WASF3: variants seen among roughly 807,000 people sequenced by gnomAD.
WASF3 encodes WASP family member 3.
In WASF3, 11 loss-of-function variants were observed where a neutral mutation model predicts 46.6. The ratio of observed to expected loss-of-function variants is 0.24; its 90% CI spans 0.15 to 0.39. WASF3 has a LOEUF of 0.39. WASF3 is among the 10% of genes least tolerant of loss of function. WASF3 has a pLI of 1.00. For synonymous variants in WASF3, 242 were observed against 259.7 expected (o/e 0.93, Z 0.65); for missense variants, 576 against 669.8 (o/e 0.86, Z 1.55).
intron 1 of WASF3, among the ~76,000 whole-genome samples, chr13:26,559,808 CTTTTTT>C (rs770616922): frequency 6.3e-4 from 46 of 73,424 alleles, no homozygotes; most frequent in South Asian, 2.2e-3. Flanking sequence ...TTCTTTCTTT[CTTTTTT>C]TTTTTTTTTT....
Position 26,570,139 on chromosome 13 carries a change from T to A in WASF3, c.-109+12320T>A, listed in dbSNP as rs564469091. 4.3e-4 allele frequency among the ~76,000 whole-genome samples: 65 copies of A among 152,144 alleles called. No individual in the cohort carries two copies. In the East Asian group the frequency reaches 0.012, roughly 28 times the overall value. On this transcript the variant is annotated intron_variant, in intron 1 of 9. Transcript: ENST00000335327. ...CATCTCTACTAAAATTACAAAAAAATTAGCCGGGTGTCGTGGCAGGCGCCT... is the reference window on the plus strand; with the variant it reads ...CATCTCTACTAAAATTACAAAAAAAATAGCCGGGTGTCGTGGCAGGCGCCT...
intron 3 of WASF3, among the ~76,000 whole-genome samples, chr13:26,648,041 G>A (rs1044754228): frequency 6.6e-6 from 1 of 152,058 alleles, no homozygotes; most frequent in African/African-American, 2.4e-5. Flanking sequence ...TTTTACTAAT[G>A]TTGGACATAT....
intron 1 of WASF3, among the ~76,000 whole-genome samples, chr13:26,596,918 T>C (rs1044297663): frequency 6.6e-6 from 1 of 152,192 alleles, no homozygotes; most frequent in Non-Finnish European, 1.5e-5. Context: ...GTAATTTCCA[T>C]TTCTGGCTTT....
At chr13:26,575,175 T>C (rs886934907) in intron 1 of WASF3, among the ~76,000 whole-genome samples, 4 of 152,066 alleles carry the variant, frequency 2.6e-5, no homozygotes, top group South Asian at 2.1e-4. Context: ...TACTGTCTTG[T>C]ATGCTACTTT....
At chr13:26,557,411 C>A (rs1259922079), upstream of WASF3, among the ~76,000 whole-genome samples, 1 of 152,142 alleles carries the variant, frequency 6.6e-6, no homozygotes, top group South Asian at 2.1e-4. Context: ...TCTCTTGGCC[C>A]GAAGTATCCC....
Position 26,642,374 on chromosome 13 carries a change from C to A in WASF3, c.104C>A (p.Ala35Asp), listed in dbSNP as rs1258752181. Residue 35 changes from alanine to aspartate, a missense_variant, in exon 3 of 10, where the codon GCC becomes GAC. Transcript: ENST00000335327. Reference sequence around the variant, plus strand: ...GAATGTGTAACCAATAGTACTCTTGCCGCTATCATACGCCAGCTGAGCAGT... The same window carrying A: ...GAATGTGTAACCAATAGTACTCTTGACGCTATCATACGCCAGCTGAGCAGT... ...ELECVTNSTL[A>D]AIIRQLSSLS... The A allele has an allele frequency of 6.2e-7, 1 of 1,608,280 alleles. No individual in the cohort carries two copies. Among genetic ancestry groups the A allele is most frequent in the Non-Finnish European group, 8.5e-7 (1 of 1,177,736 alleles).
intron 1 of WASF3, among the ~76,000 whole-genome samples, chr13:26,605,234 TCTTTA>T (rs1230259993): frequency 9.8e-5 from 15 of 152,378 alleles, no homozygotes; most frequent in African/African-American, 3.6e-4. Context: ...CTGAATAGCT[TCTTTA>T]CTTGGTTCTA....
At chr13:26,662,138 C>A (rs1882649414) in intron 3 of WASF3, among the ~76,000 whole-genome samples, 1 of 152,018 alleles carries the variant, frequency 6.6e-6, no homozygotes, top group Admixed American at 6.6e-5. Context: ...ATTAAAAAGT[C>A]AAAAAATAAC....
chr13:26,626,809 G>A (rs576190037), intron 2 of WASF3, among the ~76,000 whole-genome samples: 32 of 152,100 alleles, frequency 2.1e-4, no homozygotes, highest in Admixed American at 3.3e-4. Context: ...TCCCCAAGAA[G>A]ACTTAATAAT....
intron 1 of WASF3, among the ~76,000 whole-genome samples, chr13:26,599,201 T>TTTTG (rs1593140081): frequency 1.3e-5 from 2 of 149,916 alleles, no homozygotes; most frequent in Non-Finnish European, 3.0e-5. Context: ...TTTTTTTTTT[T>TTTTG]GAGACGGAGT....
chr13:26,559,823 T>TCTTTCTTTCTTTCTCTCTTTCTTTC, intron 1 of WASF3, among the ~76,000 whole-genome samples: 1 of 126,670 alleles, frequency 7.9e-6, no homozygotes, highest in South Asian at 2.8e-4. Flanking sequence ...TTTTTTTTTT[T>TCTTTCTTTCTTTCTCTCTTTCTTTC]TTTTTTTTTT....
intron 2 of WASF3, among the ~76,000 whole-genome samples, chr13:26,633,427 C>T (rs1429438996): frequency 6.6e-6 from 1 of 152,076 alleles, no homozygotes; most frequent in Non-Finnish European, 1.5e-5. Flanking sequence ...TGTTCTCAAA[C>T]TCCTGACCTC....
chr13:26,578,641 C>T (rs2137164709), intron 1 of WASF3, among the ~76,000 whole-genome samples: 1 of 152,294 alleles, frequency 6.6e-6, no homozygotes, highest in South Asian at 2.1e-4. Context: ...TGTAGTTCCA[C>T]AGTTCTTCTT....
chr13:26,594,085 A>T (rs11843554), intron 1 of WASF3, among the ~76,000 whole-genome samples: 40,198 of 152,180 alleles, frequency 0.26, 5,852 homozygotes, highest in Non-Finnish European at 0.34. Context: ...TATAATGACA[A>T]CAAAAGTATT....
chr13:26,667,787 C>A, intron 5 of WASF3, 117 bp downstream of exon 5: 2 of 993,846 alleles, frequency 2.0e-6, no homozygotes, highest in South Asian at 2.3e-5. Context: ...GGGTTAAAAT[C>A]AGAATTGCTT....
chr13:26,542,717 C>T, the WASF3 span, among the ~76,000 whole-genome samples: 3 of 152,184 alleles, frequency 2.0e-5, no homozygotes, highest in African/African-American at 7.2e-5. Flanking sequence ...AACGAGAGTT[C>T]AATGTCATGC....
rs781305434 is a variant in WASF3, at chr13:26,681,210, C to T, written c.873C>T (p.Ala291=). 6.2e-7 allele frequency: 1 copy of T among 1,614,002 alleles called. No homozygotes were observed. Among genetic ancestry groups the T allele is most frequent in the Non-Finnish European group, 8.5e-7 (1 of 1,180,032 alleles). The part of the protein sequence containing the change: ...AAEHEYRPPS[A]SARHMALNRP... ...AGCATGAGTACCGGCCCCCATCTGC[C>T]TCGGCGAGGCACATGGCCCTCAACA... The change falls in exon 8 of 10, where the codon GCC becomes GCT. Residue 291 remains alanine (A), a synonymous_variant. Transcript: ENST00000335327.
intron 3 of WASF3, among the ~76,000 whole-genome samples, chr13:26,659,888 G>A (rs1391121566): frequency 6.6e-6 from 1 of 152,056 alleles, no homozygotes; most frequent in Non-Finnish European, 1.5e-5. Context: ...CTCCATTCAG[G>A]GCAAGTTATG....
chr13:26,548,504 C>T, the WASF3 span, among the ~76,000 whole-genome samples: 42 of 152,286 alleles, frequency 2.8e-4, no homozygotes, highest in African/African-American at 7.7e-4. Context: ...TCCTCTCCAA[C>T]GCACTATTCA....
Sources: allele counts gnomAD v4.1 joint callset (sites outside exome capture counted in the v4.1 genomes callset), GRCh38; gene constraint gnomAD v4.1.1; transcripts MANE v1.5; gene names NCBI Gene and HGNC (gene_info 2026-07-23, HGNC 2026-07-21).